Variants in BSDC1 observed in about 807,000 individuals in gnomAD.
BSDC1 encodes BSD domain containing 1, also known as BSD domain-containing protein 1.
Under a neutral mutation model 56.0 loss-of-function variants are expected in BSDC1, and 29 were observed. That is an observed-to-expected ratio of 0.52 (90% CI 0.39 to 0.71). The LOEUF (loss-of-function observed/expected upper bound fraction) is 0.71. BSDC1 is among the 30% of genes least tolerant of loss of function. The probability of loss-of-function intolerance (pLI) is 0.00; values close to 1 mark genes in which losing one functional copy is unlikely to be tolerated. For synonymous variants in BSDC1, 210 were observed against 215.3 expected (o/e 0.98, Z 0.21); for missense variants, 477 against 548.5 (o/e 0.87, Z 1.30).
chr1:32,377,723 C>G (rs1195653164), intron 8 of BSDC1, among the ~76,000 whole-genome samples: 5 of 151,202 alleles, frequency 3.3e-5, no homozygotes, highest in Non-Finnish European at 7.4e-5. Context: ...TAAGCGGCAG[C>G]TGGTTCATGG....
At chr1:32,388,342 A>T (rs1642743032) in intron 2 of BSDC1, among the ~76,000 whole-genome samples, 1 of 152,034 alleles carries the variant, frequency 6.6e-6, no homozygotes. Context: ...GGGGTGGAGG[A>T]GGTCATTTAC....
intron 5 of BSDC1, among the ~76,000 whole-genome samples, chr1:32,379,488 G>A (rs1642411720): frequency 6.6e-6 from 1 of 152,096 alleles, no homozygotes. Context: ...AACACACCGT[G>A]TGCTCATTTT....
chr1:32,371,565 T>G (rs1389958115), intron 9 of BSDC1, among the ~76,000 whole-genome samples: 5 of 151,986 alleles, frequency 3.3e-5, no homozygotes, highest in African/African-American at 1.2e-4. Flanking sequence ...CCGCCTCGGC[T>G]TCCCAAAGTG....
In BSDC1 at chr1:32,378,267, G is replaced by GA; in HGVS notation, c.544dup (p.Ser182PhefsTer12). ...ATACCGATGCCAGAATTCTGAATGG[G>GA]AAACAGCTGCTGGAACCTGGAGGGA... On this transcript the variant is annotated frameshift_variant, in exon 7 of 11. Coordinates refer to ENST00000455895, the MANE Select transcript of BSDC1 (RefSeq NM_018045.8). LOFTEE classifies it high-confidence loss of function. This position sits in a 1 kb window ranked among gnomAD's most constrained non-coding sequence, Gnocchi z 5.2. 1 of 1,614,204 alleles carries GA rather than the reference G, an allele frequency of 6.2e-7. No homozygotes were observed. Among genetic ancestry groups the GA allele is most frequent in the South Asian group, 1.1e-5 (1 of 91,082 alleles).
chr1:32,390,385 A>G (rs1642824365), intron 2 of BSDC1, among the ~76,000 whole-genome samples: 1 of 152,222 alleles, frequency 6.6e-6, no homozygotes, highest in Non-Finnish European at 1.5e-5. Context: ...AGATGGAAGA[A>G]GGTGGATTTG....
chr1:32,378,867 G>T lies in BSDC1; in HGVS notation c.413-28C>A. On this transcript the variant is annotated intron_variant, in intron 5 of 10. Transcript: ENST00000455895. This position sits in a 1 kb window ranked among gnomAD's most constrained non-coding sequence, Gnocchi z 5.2. ...GCAGAGGGACAGATGCTGACGGTCA[G>T]TTGCCTTGGTCTGGGAAAAGAACAC... 1.4e-6 allele frequency: 2 copies of T among 1,414,848 alleles called. No individual in the cohort carries two copies. Among genetic ancestry groups the T allele is most frequent in the Non-Finnish European group, 1.9e-6 (2 of 1,064,352 alleles). 87.6% of individuals were successfully genotyped at this position (1,414,848 alleles called of 1,614,324 possible). A position where few individuals can be genotyped will look rare whatever the true frequency, so the allele number is the denominator to read the frequency against.
At chr1:32,377,885 C>A in intron 8 of BSDC1, 85 bp downstream of exon 8, 3 of 1,334,200 alleles carry the variant, frequency 2.2e-6, no homozygotes, top group Non-Finnish European at 3.1e-6. Flanking sequence ...GGCACCAAGT[C>A]TCTCCAGGCT....
intron 8 of BSDC1, 130 bp downstream of exon 8, chr1:32,377,840 C>T: frequency 1.3e-6 from 1 of 785,902 alleles, no homozygotes; most frequent in East Asian, 2.7e-5. Context: ...TATCCTCACA[C>T]ATACAATGTG....
chr1:32,394,293 G>C (rs974258125), intron 1 of BSDC1, 111 bp downstream of exon 1: 10 of 1,587,680 alleles, frequency 6.3e-6, no homozygotes, highest in Non-Finnish European at 8.6e-6. Flanking sequence ...TGCCCTTTCA[G>C]ATCAGTCCAC....
chr1:32,374,085 G>A (rs1165475868), intron 9 of BSDC1, among the ~76,000 whole-genome samples: 3 of 152,152 alleles, frequency 2.0e-5, no homozygotes, highest in Non-Finnish European at 4.4e-5. Context: ...AATATTTACT[G>A]GGTGGGTCAC....
chr1:32,378,642 G>A lies in BSDC1; in HGVS notation c.528+82C>T. On this transcript the variant is annotated intron_variant, in intron 6 of 10. Transcript: ENST00000455895. The surrounding 1 kb of genome is among the most constrained non-coding windows in gnomAD (Gnocchi z 5.2). ...AGTGCTCTCCGGGCCAGATGACTCT[G>A]CAGTGACTCTGAACATGTCCCTCCC... 1.0e-6 allele frequency: 1 copy of A among 989,086 alleles called. No homozygotes were observed. Among genetic ancestry groups the A allele is most frequent in the Non-Finnish European group, 1.5e-6 (1 of 685,346 alleles). 61.3% of individuals were successfully genotyped at this position (989,086 alleles called of 1,614,324 possible).
At chr1:32,374,962 C>G (rs1399395933) in intron 9 of BSDC1, among the ~76,000 whole-genome samples, 1 of 152,114 alleles carries the variant, frequency 6.6e-6, no homozygotes, top group Non-Finnish European at 1.5e-5. Flanking sequence ...ACCATCCTGG[C>G]TAACACAGTG....
At chr1:32,368,589 C>T in intron 9 of BSDC1, 39 bp from the exon 10 acceptor site, 1 of 1,612,546 alleles carries the variant, frequency 6.2e-7, no homozygotes, top group Admixed American at 1.7e-5. Context: ...CAGGAGGAGG[C>T]AGGGAAGGGG....
intron 4 of BSDC1, 148 bp downstream of exon 4, chr1:32,383,682 G>A: frequency 1.5e-6 from 1 of 649,140 alleles, no homozygotes; most frequent in Non-Finnish European, 2.7e-6. Context: ...TCCTGTCCTT[G>A]CTTACTGGTA....
chr1:32,375,309 C>T (rs1358103639), intron 9 of BSDC1, among the ~76,000 whole-genome samples: 1 of 151,968 alleles, frequency 6.6e-6, no homozygotes, highest in African/African-American at 2.4e-5. Context: ...TGTGGCAAAC[C>T]AGTCCCTTAC....
intron 8 of BSDC1, 26 bp downstream of exon 8, chr1:32,377,944 G>T: frequency 6.3e-6 from 10 of 1,597,948 alleles, no homozygotes; most frequent in Non-Finnish European, 8.5e-6. Context: ...TGTGACACTT[G>T]CCCCTCACCT....
Position 32,376,376 on chromosome 1 carries a change from G to A in BSDC1, c.1042C>T (p.Pro348Ser), listed in dbSNP as rs1410868297. Residue 348 changes from proline (P) to serine (S), a missense_variant, in exon 9 of 11, where the codon CCC becomes TCC. Physicochemically the swap from Pro to Ser is moderately conservative, Grantham distance 74. Transcript: ENST00000455895. ...GTCTCTACTCTGGCTGGAGGCCTGG[G>A]CTCTGGGCCGCCGGTGTGGCCAGCA... ...TPAGHTGGPE[P>S]RPPARVETLR... 2.5e-6 allele frequency: 4 copies of A among 1,613,616 alleles called. No individual in the cohort carries two copies. The highest frequency in any genetic ancestry group is 2.5e-6 in the Non-Finnish European group (3 of 1,179,718).
intron 2 of BSDC1, among the ~76,000 whole-genome samples, chr1:32,392,067 CA>C (rs1642884465): frequency 6.6e-6 from 1 of 152,184 alleles, no homozygotes; most frequent in African/African-American, 2.4e-5. Flanking sequence ...CGTGGTGGCT[CA>C]CACCTGTAAT....
chr1:32,372,318 TG>T (rs1275036638), intron 9 of BSDC1, among the ~76,000 whole-genome samples: 3 of 152,222 alleles, frequency 2.0e-5, no homozygotes, highest in Admixed American at 2.0e-4. Flanking sequence ...AGGCTTCCTG[TG>T]GGTTAGCCAG....
Sources: allele counts gnomAD v4.1 joint callset (sites outside exome capture counted in the v4.1 genomes callset), GRCh38; gene constraint gnomAD v4.1.1; non-coding constraint Gnocchi (gnomAD v3.1); transcripts MANE v1.5; gene names NCBI Gene and HGNC (gene_info 2026-07-23, HGNC 2026-07-21).